SEMA5A: variants seen among roughly 807,000 people sequenced by gnomAD.
The protein encoded by SEMA5A is semaphorin 5A.
Under a neutral mutation model 135.5 loss-of-function variants are expected in SEMA5A, and 55 were observed. That is an observed-to-expected ratio of 0.41 (90% CI 0.33 to 0.51). The LOEUF (loss-of-function observed/expected upper bound fraction) is 0.51. SEMA5A is among the 20% of genes least tolerant of loss of function. SEMA5A has a pLI of 0.37. For missense variants in SEMA5A, 1,290 were observed against 1,419.9 expected, an observed-to-expected ratio of 0.91 and a Z score of 1.47; for synonymous variants, 580 against 546.5, an observed-to-expected ratio of 1.06 and a Z score of -0.85.
At chr5:9,279,622 G>T (rs1325006322) in intron 5 of SEMA5A, among the ~76,000 whole-genome samples, 1 of 152,022 alleles carries the variant, frequency 6.6e-6, no homozygotes, top group Non-Finnish European at 1.5e-5. Flanking sequence ...TCAGTGGAGG[G>T]GCCTAGTGGA....
At chr5:9,128,022 G>A (rs996071089) in intron 13 of SEMA5A, among the ~76,000 whole-genome samples, 2 of 152,180 alleles carry the variant, frequency 1.3e-5, no homozygotes, top group South Asian at 4.1e-4. Flanking sequence ...GGGAACCTGA[G>A]AATTTCCACT....
intron 2 of SEMA5A, among the ~76,000 whole-genome samples, chr5:9,387,420 CA>C (rs1755945051): frequency 1.3e-5 from 2 of 152,010 alleles, no homozygotes; most frequent in Admixed American, 1.3e-4. Flanking sequence ...TCAGAGTAGT[CA>C]AACAAAGAAA....
chr5:9,098,979 T>A (rs1390534555), intron 16 of SEMA5A, among the ~76,000 whole-genome samples: 2 of 152,212 alleles, frequency 1.3e-5, no homozygotes, highest in South Asian at 2.1e-4. Flanking sequence ...AAAAAATTTT[T>A]AAAAACTATA....
intron 5 of SEMA5A, among the ~76,000 whole-genome samples, chr5:9,247,815 ATTG>A (rs927353424): frequency 7.2e-5 from 11 of 152,162 alleles, no homozygotes; most frequent in Admixed American, 3.3e-4. Flanking sequence ...TTTGGTAGTC[ATTG>A]TTTACTCTCA....
intron 1 of SEMA5A, among the ~76,000 whole-genome samples, chr5:9,483,386 T>C (rs1026005167): frequency 5.9e-5 from 9 of 152,304 alleles, no homozygotes; most frequent in Middle Eastern, 3.4e-3. Flanking sequence ...CTCTGTTTGC[T>C]AATCATGCTT....
chr5:9,391,806 T>C (rs868427522), intron 2 of SEMA5A, among the ~76,000 whole-genome samples: 1 of 152,186 alleles, frequency 6.6e-6, no homozygotes, highest in South Asian at 2.1e-4. Context: ...AAAGAGCTCA[T>C]CTGATTAAGT....
chr5:9,275,950 G>T (rs1430984512), intron 5 of SEMA5A, among the ~76,000 whole-genome samples: 1 of 152,336 alleles, frequency 6.6e-6, no homozygotes, highest in East Asian at 1.9e-4. Context: ...AATATTGGAA[G>T]TTCTGGCCAG....
In SEMA5A at chr5:9,078,672, A is replaced by G. The variant is rs1325478745; in HGVS notation, c.2074-12026T>C. On this transcript the variant is annotated intron_variant, in intron 16 of 22. Coordinates refer to ENST00000382496, the MANE Select transcript of SEMA5A (RefSeq NM_003966.3). ...AGAAAAAAAAATTCTGCCTATAATA[A>G]TAGGATTTGTATGGGATGGTTACAG... Among the ~76,000 whole-genome samples, 5 of 152,172 alleles carry G rather than the reference A, an allele frequency of 3.3e-5. No individual in the cohort carries two copies. In the East Asian group the frequency reaches 9.6e-4, roughly 29 times the overall value.
chr5:9,460,600 C>A (rs1021597217), intron 1 of SEMA5A, among the ~76,000 whole-genome samples: 2 of 152,002 alleles, frequency 1.3e-5, no homozygotes, highest in Non-Finnish European at 2.9e-5. Flanking sequence ...CGAAGCAAAA[C>A]GATTTTGATT....
chr5:9,088,762 G>T (rs11954325), intron 16 of SEMA5A, among the ~76,000 whole-genome samples: 40,611 of 150,442 alleles, frequency 0.27, 5,718 homozygotes, highest in Non-Finnish European at 0.3. Context: ...AGTTTCAAAG[G>T]CACTGGGCTA....
At chr5:9,377,837 C>A (rs775624187) in intron 3 of SEMA5A, among the ~76,000 whole-genome samples, 2 of 151,940 alleles carry the variant, frequency 1.3e-5, no homozygotes, top group South Asian at 2.1e-4. Context: ...CCTGTGGGCA[C>A]CTTTGGTGCT....
intron 2 of SEMA5A, among the ~76,000 whole-genome samples, chr5:9,426,432 T>TAATA (rs1554034271): frequency 8.3e-6 from 1 of 121,050 alleles, no homozygotes; most frequent in African/African-American, 3.2e-5. Context: ...CTCAAAAAAA[T>TAATA]AAATAAAATA....
intron 16 of SEMA5A, among the ~76,000 whole-genome samples, chr5:9,091,606 C>G (rs1429124720): frequency 6.6e-6 from 1 of 152,174 alleles, no homozygotes; most frequent in African/African-American, 2.4e-5. Context: ...AAGTTTAAGA[C>G]ACAGGCTAAA....
At chr5:9,495,502 A>G (rs1007364997) in intron 1 of SEMA5A, among the ~76,000 whole-genome samples, 3 of 152,276 alleles carry the variant, frequency 2.0e-5, no homozygotes, top group East Asian at 1.9e-4. Flanking sequence ...CATTAAATAT[A>G]TATTTATTGA....
chr5:9,095,384 C>T (rs1579383004), intron 16 of SEMA5A, among the ~76,000 whole-genome samples: 1 of 152,272 alleles, frequency 6.6e-6, no homozygotes, highest in East Asian at 1.9e-4. Flanking sequence ...TACCCCAGAA[C>T]TTAAAGTATC....
intron 13 of SEMA5A, among the ~76,000 whole-genome samples, chr5:9,128,583 T>C (rs1242816499): frequency 6.6e-6 from 1 of 152,138 alleles, no homozygotes; most frequent in Admixed American, 6.5e-5. Flanking sequence ...TGCCTCACGA[T>C]ATACCACAGG....
chr5:9,483,576 A>G (rs146469818), intron 1 of SEMA5A, among the ~76,000 whole-genome samples: 4 of 152,296 alleles, frequency 2.6e-5, no homozygotes, highest in Middle Eastern at 3.4e-3. Flanking sequence ...CATGACAAAA[A>G]AGAACATACA....
intron 16 of SEMA5A, among the ~76,000 whole-genome samples, chr5:9,073,125 G>T (rs1336120923): frequency 6.6e-6 from 1 of 152,004 alleles, no homozygotes; most frequent in Non-Finnish European, 1.5e-5. Flanking sequence ...ACCAGACAAA[G>T]ACAGAAAGAA....
intron 6 of SEMA5A, among the ~76,000 whole-genome samples, chr5:9,230,154 T>A (rs576968494): frequency 6.8e-6 from 1 of 146,936 alleles, no homozygotes; most frequent in South Asian, 2.1e-4. Flanking sequence ...CTGGCTATTT[T>A]TTTCTTTTTT....
Sources: gnomAD v4.1 joint callset for allele counts (sites outside exome capture counted in the v4.1 genomes callset) on GRCh38, gnomAD v4.1.1 for gene constraint, MANE v1.5 for transcripts, NCBI Gene and HGNC (gene_info 2026-07-23, HGNC 2026-07-21) for gene names.